PRKD1: variants seen among roughly 807,000 people sequenced by gnomAD.
PRKD1 encodes protein kinase D1, also known as serine/threonine-protein kinase D1.
PRKD1 carries 63 observed loss-of-function variants against 95.9 expected under a neutral mutation model. That is an observed-to-expected ratio of 0.66 (90% CI 0.54 to 0.81). PRKD1 has a LOEUF of 0.81. PRKD1 is among the 30% of genes least tolerant of loss of function. The pLI is 0.00. For missense variants in PRKD1, 1,048 were observed against 1,165.3 expected (o/e 0.90, Z 1.47); for synonymous variants, 425 against 423.1 (o/e 1.00, Z -0.05).
chr14:29,760,526 T>C (rs542055215), intron 1 of PRKD1, among the ~76,000 whole-genome samples: 1 of 152,138 alleles, frequency 6.6e-6, no homozygotes, highest in African/African-American at 2.4e-5. Flanking sequence ...CGGCTAATTT[T>C]GCATTTTTAG....
chr14:29,626,534 A>G lies in PRKD1; in HGVS notation c.1748T>C (p.Ile583Thr). The stretch of plus-strand genomic sequence containing the variant: ...AGAACCCAGTACTTCATCAGGAAAA[A>G]TCTGATATACTGTGCTGATGTCCTA... ...ENVDISTVYQ[I>T]FPDEVLGSGQ... Residue 583 changes from isoleucine (I) to threonine (T), a missense_variant, in exon 12 of 18, where the codon ATT (isoleucine) becomes ACT (threonine). Transcript: ENST00000331968. 1 of 1,612,642 alleles carries G rather than the reference A, an allele frequency of 6.2e-7. No individual in the cohort carries two copies. The highest frequency in any genetic ancestry group is 1.1e-5 in the South Asian group (1 of 91,000).
intron 1 of PRKD1, among the ~76,000 whole-genome samples, chr14:29,889,961 A>G (rs960079838): frequency 6.6e-6 from 1 of 152,220 alleles, no homozygotes; most frequent in Non-Finnish European, 1.5e-5. Context: ...TCTACGGCAG[A>G]CACTTAACTA....
At chr14:29,617,149 T>C (rs1353543382) in intron 13 of PRKD1, among the ~76,000 whole-genome samples, 3 of 152,210 alleles carry the variant, frequency 2.0e-5, no homozygotes, top group Non-Finnish European at 2.9e-5. Flanking sequence ...TTTATGGCTG[T>C]ATAGTATTCC....
chr14:29,611,746 C>CA (rs368153834), intron 13 of PRKD1, among the ~76,000 whole-genome samples: 22,337 of 136,496 alleles, frequency 0.16, 2,113 homozygotes, highest in Non-Finnish European at 0.2. Flanking sequence ...GAATTATTAC[C>CA]AAAAAAAAAA....
chr14:29,909,077 C>A (rs1261591767), intron 1 of PRKD1, among the ~76,000 whole-genome samples: 1 of 152,140 alleles, frequency 6.6e-6, no homozygotes, highest in African/African-American at 2.4e-5. Context: ...GCTTGGCGGG[C>A]CCCACACTCA....
At position 29,630,861 on chromosome 14, in the gene PRKD1, C is replaced by G. The variant is rs1309176311; in HGVS notation, c.1553G>C (p.Ser518Thr). ...TGCACCAACGCCACTGGTGAGAACA[C>G]TGTTATTTGGTGATGGGCTGGAAGG... ...VNPSSPSPNN[S>T]VLTSGVGADV... Residue 518 changes from serine to threonine, a missense_variant, in exon 10 of 18, where the codon AGT becomes ACT. Physicochemically the swap from Ser to Thr is moderately conservative, Grantham distance 58 (BLOSUM62 1). Transcript: ENST00000331968. 1 of 1,614,118 alleles carries G rather than the reference C, an allele frequency of 6.2e-7. No homozygotes were observed. The highest frequency in any genetic ancestry group is 8.5e-7 in the Non-Finnish European group (1 of 1,179,986).
chr14:29,695,995 C>T (rs1274674672), intron 2 of PRKD1, among the ~76,000 whole-genome samples: 4 of 152,116 alleles, frequency 2.6e-5, no homozygotes, highest in South Asian at 2.1e-4. Flanking sequence ...TTAGCTGATC[C>T]ATTTGAGCCA....
At chr14:29,727,289 A>G (rs1475676119) in intron 1 of PRKD1, among the ~76,000 whole-genome samples, 1 of 151,846 alleles carries the variant, frequency 6.6e-6, no homozygotes, top group East Asian at 1.9e-4. Context: ...TATATTCCGG[A>G]TATTAGCCCT....
At chr14:29,798,417 A>C (rs191858315) in intron 1 of PRKD1, among the ~76,000 whole-genome samples, 1 of 152,294 alleles carries the variant, frequency 6.6e-6, no homozygotes, top group Admixed American at 6.5e-5. Flanking sequence ...AGCAAATATA[A>C]TGTGTCTAAA....
intron 2 of PRKD1, among the ~76,000 whole-genome samples, chr14:29,700,984 G>GCACACACACACACACACA (rs1305950280): frequency 2.3e-4 from 12 of 52,922 alleles, no homozygotes; most frequent in African/African-American, 2.1e-3. Context: ...ATGCGCGCGC[G>GCACACACACACACACACA]CGCGCACACA....
chr14:29,863,235 T>C (rs1024011636), intron 1 of PRKD1, among the ~76,000 whole-genome samples: 8 of 152,186 alleles, frequency 5.3e-5, no homozygotes, highest in African/African-American at 1.9e-4. Context: ...GTCCCTTTAG[T>C]ATCCTTTCAA....
chr14:29,643,938 TAAAGAG>T lies in PRKD1; in HGVS notation c.697-5040_697-5035del, dbSNP rs1024150704. Reference sequence around the variant, plus strand: ...TTGGGGAGACAAACTCCCTTTGAGTTAAAGAGAAAGAGAAAGAGAATACTTTAGCAT... The same window carrying T: ...TTGGGGAGACAAACTCCCTTTGAGTTAAAGAGAAAGAGAATACTTTAGCAT... On this transcript the variant is annotated intron_variant, in intron 4 of 17. Coordinates refer to ENST00000331968, the MANE Select transcript of PRKD1 (RefSeq NM_002742.3). Among the ~76,000 whole-genome samples the T allele has an allele frequency of 4.6e-5, 7 of 152,328 alleles. No individual in the cohort carries two copies. The East Asian group carries it at 5.8e-4, about 13-fold the overall frequency.
At chr14:29,742,004 C>T (rs920026380) in intron 1 of PRKD1, among the ~76,000 whole-genome samples, 1 of 152,048 alleles carries the variant, frequency 6.6e-6, no homozygotes, top group Admixed American at 6.5e-5. Context: ...TACAAATGAT[C>T]CTTTGGTTCC....
chr14:29,852,881 C>T (rs1376245553), intron 1 of PRKD1, among the ~76,000 whole-genome samples: 1 of 152,066 alleles, frequency 6.6e-6, no homozygotes, highest in African/African-American at 2.4e-5. Context: ...TAAATCCCTC[C>T]TTATCAGTAA....
chr14:29,819,450 G>C (rs1292734842), intron 1 of PRKD1, among the ~76,000 whole-genome samples: 2 of 152,126 alleles, frequency 1.3e-5, no homozygotes, highest in African/African-American at 4.8e-5. Context: ...CAGCACTTTG[G>C]GAGGCCGAGG....
At position 29,666,127 on chromosome 14, in the gene PRKD1, T is replaced by C. The variant is rs766405386; in HGVS notation, c.485A>G (p.His162Arg). 3 of 1,606,850 alleles carry C rather than the reference T, an allele frequency of 1.9e-6. No individual in the cohort carries two copies. The highest frequency in any genetic ancestry group is 1.7e-6 in the Non-Finnish European group (2 of 1,175,112). ...HSYRAPAFCD[H>R]CGEMLWGLVR... ...CAGCCCCCACAGCATTTCTCCACAGTGATCACAGAAAGCTGGAGCTCTGTA... is the reference window on the plus strand; with the variant it reads ...CAGCCCCCACAGCATTTCTCCACAGCGATCACAGAAAGCTGGAGCTCTGTA... Residue 162 changes from histidine (H) to arginine (R), a missense_variant, in exon 3 of 18, where the codon CAC becomes CGC. His to Arg is a conservative substitution (Grantham distance 29, BLOSUM62 0). This residue lies in a region of PRKD1 where 275 missense variants were observed against 248.6 expected (regional missense o/e 1.11). Transcript: ENST00000331968.
chr14:29,799,559 T>C (rs951488112), intron 1 of PRKD1, among the ~76,000 whole-genome samples: 4 of 152,214 alleles, frequency 2.6e-5, no homozygotes, highest in Admixed American at 1.3e-4. Context: ...CAAATGAACA[T>C]AAAATCTTCA....
intron 2 of PRKD1, among the ~76,000 whole-genome samples, chr14:29,709,404 G>A (rs186834778): frequency 3.3e-5 from 5 of 152,184 alleles, no homozygotes; most frequent in African/African-American, 7.2e-5. Context: ...TCAAGACAGC[G>A]AGAAGGCACA....
intron 1 of PRKD1, among the ~76,000 whole-genome samples, chr14:29,733,352 T>C (rs564708642): frequency 6.6e-6 from 1 of 152,220 alleles, no homozygotes; most frequent in African/African-American, 2.4e-5. Context: ...TCCACCCACC[T>C]CGGCCTCCAA....
Sources: allele counts gnomAD v4.1 joint callset (sites outside exome capture counted in the v4.1 genomes callset), GRCh38; gene constraint gnomAD v4.1.1; regional missense constraint gnomAD v4.1.1; transcripts MANE v1.5; gene names NCBI Gene and HGNC (gene_info 2026-07-23, HGNC 2026-07-21).